The following GRID2 variants were observed in gnomAD, a reference collection of about 807,000 sequenced individuals.
GRID2 encodes glutamate ionotropic receptor delta type subunit 2, also known as glutamate receptor ionotropic, delta-2.
In GRID2, 33 loss-of-function variants were observed where a neutral mutation model predicts 114.8. That is an observed-to-expected ratio of 0.29 (90% CI 0.22 to 0.38). GRID2 has a LOEUF of 0.38. Ranked by LOEUF, GRID2 falls within the 10% of genes least tolerant of loss-of-function variation. The pLI, the probability that GRID2 is intolerant of heterozygous loss-of-function variation, is 1.00. For synonymous variants in GRID2, 505 were observed against 449.9 expected (o/e 1.12, Z -1.55); for missense variants, 1,184 against 1,257.7 (o/e 0.94, Z 0.89).
chr4:92,519,594 T>C (rs559218968), intron 1 of GRID2, among the ~76,000 whole-genome samples: 1 of 148,916 alleles, frequency 6.7e-6, no homozygotes, highest in Non-Finnish European at 1.5e-5. Flanking sequence ...ATATCTTATA[T>C]ATGAGATTAT....
At chr4:93,798,508 A>G (rs1344872214) in intron 1 of GRID2, among the ~76,000 whole-genome samples, 2 of 152,178 alleles carry the variant, frequency 1.3e-5, no homozygotes, top group African/African-American at 4.8e-5. Flanking sequence ...AACCTTGGGA[A>G]TGACTATGAT....
chr4:92,678,971 CTT>C lies in GRID2; in HGVS notation c.244+88700_244+88701del, dbSNP rs35349895. On this transcript the variant is annotated intron_variant, in intron 2 of 15. Coordinates refer to ENST00000282020, the MANE Select transcript of GRID2 (RefSeq NM_001510.4). Reference sequence around the variant, plus strand: ...GTGACATCTCTCCGACTGCAAATAGCTTTTTTTTTTTTTTTTAATCCTCCCAG... The same window carrying C: ...GTGACATCTCTCCGACTGCAAATAGCTTTTTTTTTTTTTTAATCCTCCCAG... Among the ~76,000 whole-genome samples the C allele has an allele frequency of 3.2e-3, 445 of 138,544 alleles. 3 individuals are homozygous for C. Among genetic ancestry groups the C allele is most frequent in the African/African-American group, 8.3e-3 (317 of 38,042 alleles). 90.9% of individuals were successfully genotyped at this position (138,544 alleles called of 152,430 possible). A position where few individuals can be genotyped will look rare whatever the true frequency, so the allele number is the denominator to read the frequency against.
chr4:93,704,865 T>A (rs1348824491), intron 14 of GRID2, among the ~76,000 whole-genome samples: 2 of 152,204 alleles, frequency 1.3e-5, no homozygotes, highest in African/African-American at 4.8e-5. Context: ...GACGGACACT[T>A]AGGTTGCTTC....
chr4:92,681,718 A>G (rs1733658065), intron 2 of GRID2, among the ~76,000 whole-genome samples: 1 of 152,214 alleles, frequency 6.6e-6, no homozygotes, highest in Admixed American at 6.5e-5. Context: ...ATTGTACACA[A>G]GAAAGAGTGA....
chr4:93,552,075 T>C (rs1459468224), intron 13 of GRID2, among the ~76,000 whole-genome samples: 2 of 131,736 alleles, frequency 1.5e-5, no homozygotes, highest in African/African-American at 5.7e-5. Flanking sequence ...TTCCCCTTCC[T>C]GTGTCCATGT....
At chr4:92,856,077 C>CTT in intron 2 of GRID2, among the ~76,000 whole-genome samples, 1 of 151,882 alleles carries the variant, frequency 6.6e-6, no homozygotes, top group Non-Finnish European at 1.5e-5. Context: ...AATTTTTTTC[C>CTT]AATTATCCTT....
chr4:92,892,873 T>A (rs987991630), intron 2 of GRID2, among the ~76,000 whole-genome samples: 2 of 152,170 alleles, frequency 1.3e-5, no homozygotes, highest in African/African-American at 4.8e-5. Context: ...TTTTATTTGT[T>A]AAAGGAAACA....
At chr4:92,538,814 A>T (rs1055067800) in intron 1 of GRID2, among the ~76,000 whole-genome samples, 1 of 152,088 alleles carries the variant, frequency 6.6e-6, no homozygotes, top group African/African-American at 2.4e-5. Flanking sequence ...TGTCATTATT[A>T]AAAATGCCTA....
intron 8 of GRID2, among the ~76,000 whole-genome samples, chr4:93,370,369 A>G (rs764797299): frequency 2.6e-5 from 4 of 151,436 alleles, no homozygotes; most frequent in Non-Finnish European, 5.9e-5. Flanking sequence ...AATACTACAC[A>G]CACAGACATA....
In GRID2 at chr4:92,671,709, C is replaced by G. The variant is rs978194886; in HGVS notation, c.244+81423C>G. Among the ~76,000 whole-genome samples the G allele has an allele frequency of 2.6e-5, 4 of 152,042 alleles. No individual in the cohort carries two copies. In the South Asian group the frequency reaches 8.3e-4, roughly 32 times the overall value. The stretch of plus-strand genomic sequence containing the variant: ...TCTAGGGAGGCAAATGTACAATGTA[C>G]TGGATAGTGAGAAGCAAGGAGGGTT... On this transcript the variant is annotated intron_variant, in intron 2 of 15. Coordinates refer to ENST00000282020, the MANE Select transcript of GRID2 (RefSeq NM_001510.4).
At chr4:93,096,689 C>T (rs1229998700) in intron 3 of GRID2, among the ~76,000 whole-genome samples, 1 of 151,996 alleles carries the variant, frequency 6.6e-6, no homozygotes, top group African/African-American at 2.4e-5. Context: ...CAAAGACTGA[C>T]AATCCAATTG....
At chr4:93,564,317 A>C (rs1351812356) in intron 13 of GRID2, among the ~76,000 whole-genome samples, 2 of 151,788 alleles carry the variant, frequency 1.3e-5, no homozygotes, top group Non-Finnish European at 2.9e-5. Context: ...TTATTTATTT[A>C]TTTTGTTTCA....
intron 1 of GRID2, among the ~76,000 whole-genome samples, chr4:92,316,695 C>T (rs1008046398): frequency 6.6e-6 from 1 of 151,916 alleles, no homozygotes; most frequent in Non-Finnish European, 1.5e-5. Context: ...AGCTGAACGA[C>T]TGTGGTCTAC....
At chr4:92,415,466 T>G (rs550908498) in intron 1 of GRID2, among the ~76,000 whole-genome samples, 25 of 151,570 alleles carry the variant, frequency 1.6e-4, no homozygotes, top group Non-Finnish European at 3.4e-4. Context: ...TTCCTCACCC[T>G]CCTCCCACAG....
chr4:92,869,315 A>G (rs1447380111), intron 2 of GRID2, among the ~76,000 whole-genome samples: 2 of 152,200 alleles, frequency 1.3e-5, no homozygotes, highest in Admixed American at 6.5e-5. Context: ...TAGGTACTCA[A>G]TACAGAAGCT....
chr4:92,529,018 A>AT (rs2149147830), intron 1 of GRID2, among the ~76,000 whole-genome samples: 1 of 152,206 alleles, frequency 6.6e-6, no homozygotes, highest in South Asian at 2.1e-4. Context: ...CTGCAAAAAG[A>AT]TAAAAACTCC....
intron 13 of GRID2, among the ~76,000 whole-genome samples, chr4:93,562,562 A>G (rs1051939741): frequency 6.6e-6 from 1 of 152,024 alleles, no homozygotes; most frequent in Non-Finnish European, 1.5e-5. Flanking sequence ...CAGTTTATCA[A>G]TTTTTTGGAT....
intron 2 of GRID2, among the ~76,000 whole-genome samples, chr4:92,774,126 G>A (rs1391398088): frequency 6.6e-6 from 1 of 152,062 alleles, no homozygotes; most frequent in Non-Finnish European, 1.5e-5. Flanking sequence ...TCTGGATCCA[G>A]CCCAGCCAAG....
intron 1 of GRID2, among the ~76,000 whole-genome samples, chr4:92,456,029 G>A (rs1721195830): frequency 6.6e-6 from 1 of 152,090 alleles, no homozygotes; most frequent in Non-Finnish European, 1.5e-5. Context: ...TGGACGATAT[G>A]TCAAAAATTT....
Sources: gnomAD v4.1 joint callset for allele counts (sites outside exome capture counted in the v4.1 genomes callset) on GRCh38, gnomAD v4.1.1 for gene constraint, MANE v1.5 for transcripts, NCBI Gene and HGNC (gene_info 2026-07-23, HGNC 2026-07-21) for gene names.